The following R3HDM2 variants were observed in gnomAD, a reference collection of about 807,000 sequenced individuals.
R3HDM2 encodes the protein R3H domain containing 2.
In R3HDM2, 38 loss-of-function variants were observed where a neutral mutation model predicts 124.5. The ratio of observed to expected loss-of-function variants is 0.31; its 90% confidence interval spans 0.24 to 0.40. The LOEUF (loss-of-function observed/expected upper bound fraction) is 0.40, where lower values mean the gene tolerates loss of function less well. Among genes scored for constraint, R3HDM2 ranks in the 10% least tolerant of loss-of-function variants. R3HDM2 has a pLI of 1.00. For missense variants in R3HDM2, 869 were observed against 1,236.9 expected (o/e 0.70, Z 4.46); for synonymous variants, 391 against 448.0 (o/e 0.87, Z 1.61).
At chr12:57,349,789 T>C (rs1489914394) in intron 2 of R3HDM2, among the ~76,000 whole-genome samples, 2 of 152,110 alleles carry the variant, frequency 1.3e-5, no homozygotes, top group Non-Finnish European at 2.9e-5. Context: ...CTCCATCTCC[T>C]GTCCTCGTGA....
At chr12:57,371,272 G>C (rs1290662609) in intron 2 of R3HDM2, among the ~76,000 whole-genome samples, 1 of 151,202 alleles carries the variant, frequency 6.6e-6, no homozygotes, top group Non-Finnish European at 1.5e-5. Flanking sequence ...AGGAGTAGCT[G>C]TGTATTCATA....
At chr12:57,261,066 A>G (rs1214035345) in intron 19 of R3HDM2, among the ~76,000 whole-genome samples, 2 of 152,166 alleles carry the variant, frequency 1.3e-5, no homozygotes, top group African/African-American at 4.8e-5. Flanking sequence ...CATAGGTTGT[A>G]GTAGGGCCAT....
chr12:57,374,683 TAAAAAAAAAAAA>T (rs56197858), intron 2 of R3HDM2, among the ~76,000 whole-genome samples: 5 of 28,092 alleles, frequency 1.8e-4, no homozygotes, highest in African/African-American at 3.2e-4. Flanking sequence ...AATTCTATCT[TAAAAAAAAAAAA>T]AAAAAAAAAA....
chr12:57,326,945 A>T (rs1383992141), intron 2 of R3HDM2, among the ~76,000 whole-genome samples: 1 of 151,984 alleles, frequency 6.6e-6, no homozygotes, highest in African/African-American at 2.4e-5. Flanking sequence ...TTTACAGCAT[A>T]ATTTACTCAG....
intron 1 of R3HDM2, among the ~76,000 whole-genome samples, chr12:57,425,697 T>A (rs1055573255): frequency 1.3e-5 from 2 of 151,324 alleles, no homozygotes; most frequent in African/African-American, 4.9e-5. Flanking sequence ...AGTTGGGAGG[T>A]TGAGGCAGAA....
At chr12:57,324,865 G>A (rs892838388) in intron 2 of R3HDM2, among the ~76,000 whole-genome samples, 1 of 152,174 alleles carries the variant, frequency 6.6e-6, no homozygotes, top group Non-Finnish European at 1.5e-5. Flanking sequence ...TTTGGAGACA[G>A]GGCCTTTAAA....
intron 2 of R3HDM2, among the ~76,000 whole-genome samples, chr12:57,342,776 T>A (rs139148030): frequency 6.6e-6 from 1 of 152,192 alleles, no homozygotes; most frequent in Non-Finnish European, 1.5e-5. Flanking sequence ...GATATGATCT[T>A]TGCCTAAAAG....
intron 1 of R3HDM2, chr12:57,418,394 T>C (rs963022704): frequency 4.3e-5 from 41 of 955,230 alleles, no homozygotes; most frequent in Non-Finnish European, 4.9e-5. Context: ...TTCCCAACGG[T>C]GGTTGCGCAG....
chr12:57,386,539 C>T (rs1371227526), intron 2 of R3HDM2, among the ~76,000 whole-genome samples: 1 of 152,230 alleles, frequency 6.6e-6, no homozygotes, highest in Admixed American at 6.5e-5. Context: ...CCCGCCATGC[C>T]TGAGCCTCCC....
chr12:57,343,051 T>C (rs577338495), intron 2 of R3HDM2, among the ~76,000 whole-genome samples: 3 of 151,974 alleles, frequency 2.0e-5, no homozygotes, highest in Admixed American at 6.6e-5. Flanking sequence ...TAATGGAGAG[T>C]GTAAGTACAG....
Position 57,258,891 on chromosome 12 carries a change from T to C in R3HDM2, c.2300A>G (p.Gln767Arg), listed in dbSNP as rs140435515. 5.7e-6 allele frequency: 9 copies of C among 1,571,960 alleles called. No homozygotes were observed. Among genetic ancestry groups the C allele is most frequent in the South Asian group, 1.2e-5 (1 of 85,426 alleles). ...GDLYSPDSSP[Q>R]ANTQMSSSPV... ...GACAAGGCTGAGTGCTGCACTCACC[T>C]GGGGGCTGCTGTCAGGACTGTACAG... is the stretch of plus-strand genomic sequence containing the variant. The change falls in exon 20 of 24, where the codon CAG (glutamine) becomes CGG (arginine). Residue 767 changes from glutamine to arginine, a missense_variant and splice_region_variant. Gln to Arg is a conservative substitution (Grantham distance 43). Around this residue, in one of 2 missense-constraint regions of R3HDM2, gnomAD observed 602 missense variants for 789.2 expected, o/e 0.76. Coordinates refer to ENST00000402412, the MANE Select transcript of R3HDM2 (RefSeq NM_001394031.1).
chr12:57,425,267 C>T (rs1439838046), intron 1 of R3HDM2, among the ~76,000 whole-genome samples: 1 of 147,928 alleles, frequency 6.8e-6, no homozygotes, highest in Non-Finnish European at 1.5e-5. Flanking sequence ...AGCGAAACTC[C>T]GTCTCAAAAA....
intron 2 of R3HDM2, among the ~76,000 whole-genome samples, chr12:57,334,012 C>G (rs2058544024): frequency 6.6e-6 from 1 of 151,720 alleles, no homozygotes; most frequent in Non-Finnish European, 1.5e-5. Context: ...GCACTCCAGC[C>G]TGGGACAGAG....
intron 1 of R3HDM2, among the ~76,000 whole-genome samples, chr12:57,419,678 G>A (rs1406638049): frequency 6.6e-6 from 1 of 152,028 alleles, no homozygotes; most frequent in African/African-American, 2.4e-5. Context: ...CTGACATGAT[G>A]TAATTCTCCC....
chr12:57,258,576 T>TC (rs2039805471), intron 20 of R3HDM2, among the ~76,000 whole-genome samples: 1 of 152,054 alleles, frequency 6.6e-6, no homozygotes, highest in Non-Finnish European at 1.5e-5. Context: ...CCTCAAGTGA[T>TC]CCTCCCGCCT....
At chr12:57,370,134 G>C (rs2063140071) in intron 2 of R3HDM2, among the ~76,000 whole-genome samples, 1 of 152,160 alleles carries the variant, frequency 6.6e-6, no homozygotes. Flanking sequence ...GTGTGAGGGA[G>C]GGAGGCTTAT....
At chr12:57,400,930 T>C (rs2067991314) in intron 1 of R3HDM2, among the ~76,000 whole-genome samples, 1 of 152,110 alleles carries the variant, frequency 6.6e-6, no homozygotes, top group African/African-American at 2.4e-5. Context: ...AGCTGGGACC[T>C]GAAAATATCA....
chr12:57,364,258 CTG>C (rs1178958890), intron 2 of R3HDM2, among the ~76,000 whole-genome samples: 1 of 149,194 alleles, frequency 6.7e-6, no homozygotes, highest in Admixed American at 6.8e-5. Flanking sequence ...AGCAATTATC[CTG>C]TGTCGGCCTC....
chr12:57,295,251 A>G, intron 10 of R3HDM2, 148 bp downstream of exon 10: 1 of 624,038 alleles, frequency 1.6e-6, no homozygotes, highest in South Asian at 1.9e-5. Context: ...AGTTCTCAAC[A>G]TTAAGCCAAA....
Sources: gnomAD v4.1 joint callset for allele counts (sites outside exome capture counted in the v4.1 genomes callset) on GRCh38, gnomAD v4.1.1 for gene constraint, gnomAD v4.1.1 regional missense constraint, MANE v1.5 for transcripts, NCBI Gene and HGNC (gene_info 2026-07-23, HGNC 2026-07-21) for gene names.